VRK1: variants seen among roughly 807,000 people sequenced by gnomAD.
VRK1 encodes VRK serine/threonine kinase 1.
A neutral mutation model predicts 57.1 loss-of-function variants in VRK1; 33 were observed. The observed-to-expected ratio is 0.58, with a 90% CI of 0.44 to 0.77. The LOEUF (loss-of-function observed/expected upper bound fraction) is 0.77, where lower values mean the gene tolerates loss of function less well. Ranked by LOEUF, VRK1 falls within the 30% of genes least tolerant of loss-of-function variation. VRK1 has a pLI of 0.00. For synonymous variants in VRK1, 137 were observed against 147.8 expected, an observed-to-expected ratio of 0.93 and a Z score of 0.53; for missense variants, 413 against 477.3, an observed-to-expected ratio of 0.87 and a Z score of 1.25.
intron 3 of VRK1, among the ~76,000 whole-genome samples, chr14:96,840,907 G>A (rs1887433388): frequency 6.6e-6 from 1 of 151,144 alleles, no homozygotes; most frequent in Non-Finnish European, 1.5e-5. Context: ...CTGGGCTGGA[G>A]TGCATTGGTG....
At chr14:96,853,615 T>C (rs976630718) in intron 7 of VRK1, among the ~76,000 whole-genome samples, 1 of 152,124 alleles carries the variant, frequency 6.6e-6, no homozygotes, top group African/African-American at 2.4e-5. Context: ...CTGTCTAAAT[T>C]TGTATACCCT....
At chr14:96,801,752 A>G (rs1414185817) in intron 1 of VRK1, among the ~76,000 whole-genome samples, 2 of 152,228 alleles carry the variant, frequency 1.3e-5, no homozygotes, top group African/African-American at 4.8e-5. Flanking sequence ...AGAGAAAAGA[A>G]AATATTATTA....
At chr14:96,840,948 T>C (rs1157126416) in intron 3 of VRK1, among the ~76,000 whole-genome samples, 5 of 151,858 alleles carry the variant, frequency 3.3e-5, no homozygotes, top group Non-Finnish European at 7.4e-5. Flanking sequence ...CTTGATCTCC[T>C]GGGTTCAAGT....
At position 96,857,385 on chromosome 14, in the gene VRK1, G is replaced by GGGAA. The variant is rs756337047; in HGVS notation, c.889+799_889+800insGGAA. Among the ~76,000 whole-genome samples, 85 of 152,124 alleles carry GGGAA rather than the reference G, an allele frequency of 5.6e-4. 2 individuals carry two copies. Among genetic ancestry groups the GGGAA allele is most frequent in the Non-Finnish European group, 1.3e-4 (9 of 68,010 alleles). Reference sequence around the variant, plus strand: ...TTGTAGGAAGGAGGTGAGGGAGGGAGTGAGCTGTGTAGAAGTCTGGGGAAG... The same window carrying GGGAA: ...TTGTAGGAAGGAGGTGAGGGAGGGAGGGAATGAGCTGTGTAGAAGTCTGGGGAAG... On this transcript the variant is annotated intron_variant, in intron 10 of 12. Coordinates refer to ENST00000216639, the MANE Select transcript of VRK1 (RefSeq NM_003384.3).
intron 1 of VRK1, among the ~76,000 whole-genome samples, chr14:96,800,584 A>G (rs1268525357): frequency 6.6e-6 from 1 of 152,168 alleles, no homozygotes. Context: ...TATTAGCCAC[A>G]GTATCTTTGT....
chr14:96,856,733 C>T (rs1257684252), intron 10 of VRK1, 147 bp downstream of exon 10: 12 of 711,352 alleles, frequency 1.7e-5, no homozygotes, highest in Non-Finnish European at 3.0e-5. Context: ...CTTTGGGAGG[C>T]TGAGGTGGGT....
At chr14:96,812,747 T>C (rs762616814) in intron 1 of VRK1, among the ~76,000 whole-genome samples, 1 of 152,242 alleles carries the variant, frequency 6.6e-6, no homozygotes, top group Non-Finnish European at 1.5e-5. Context: ...TTTTATGTTT[T>C]CTTGGCAACA....
intron 1 of VRK1, among the ~76,000 whole-genome samples, chr14:96,815,911 C>T (rs968170919): frequency 2.0e-5 from 3 of 151,848 alleles, no homozygotes; most frequent in Non-Finnish European, 4.4e-5. Flanking sequence ...TCTTCTTGCT[C>T]TGTCCACTCA....
intron 1 of VRK1, among the ~76,000 whole-genome samples, chr14:96,813,234 G>C (rs1241010017): frequency 6.6e-6 from 1 of 152,202 alleles, no homozygotes; most frequent in Non-Finnish European, 1.5e-5. Context: ...TCTTAACACT[G>C]CTCGGTGCTG....
At chr14:96,819,824 T>C (rs1284435536) in intron 1 of VRK1, among the ~76,000 whole-genome samples, 2 of 152,168 alleles carry the variant, frequency 1.3e-5, no homozygotes, top group Admixed American at 6.5e-5. Context: ...GACAAAACTT[T>C]GTAGCCCAAT....
intron 12 of VRK1, chr14:96,877,569 T>C (rs2139849221): frequency 7.8e-7 from 1 of 1,289,556 alleles, no homozygotes; most frequent in Non-Finnish European, 1.0e-6. Flanking sequence ...GCAGCAGCTA[T>C]GACAGTGAGT....
intron 1 of VRK1, among the ~76,000 whole-genome samples, chr14:96,831,493 CTTAA>C: frequency 6.6e-6 from 1 of 152,080 alleles, no homozygotes; most frequent in East Asian, 1.9e-4. Flanking sequence ...CATTCCAAGC[CTTAA>C]TTAATTATTA....
At chr14:96,807,824 C>T (rs751375335) in intron 1 of VRK1, among the ~76,000 whole-genome samples, 14 of 152,060 alleles carry the variant, frequency 9.2e-5, no homozygotes, top group Non-Finnish European at 1.6e-4. Context: ...ATTTTGGAAT[C>T]CTAGTTCTTG....
At chr14:96,879,069 A>G (rs1889149256) in intron 12 of VRK1, among the ~76,000 whole-genome samples, 1 of 152,162 alleles carries the variant, frequency 6.6e-6, no homozygotes, top group East Asian at 1.9e-4. Flanking sequence ...GGAACCCTAC[A>G]AAGAAATTTC....
chr14:96,874,473 A>G (rs986479333), intron 11 of VRK1, among the ~76,000 whole-genome samples: 10 of 152,220 alleles, frequency 6.6e-5, no homozygotes, highest in African/African-American at 9.6e-5. Context: ...ATCATGAAGC[A>G]ACACTGGAAA....
At chr14:96,806,736 A>T (rs1885894851) in intron 1 of VRK1, among the ~76,000 whole-genome samples, 1 of 152,184 alleles carries the variant, frequency 6.6e-6, no homozygotes, top group Non-Finnish European at 1.5e-5. Context: ...TTTCACTTTG[A>T]TATACCTGAA....
intron 5 of VRK1, among the ~76,000 whole-genome samples, chr14:96,852,347 G>A (rs1887984763): frequency 6.6e-6 from 1 of 152,112 alleles, no homozygotes; most frequent in African/African-American, 2.4e-5. Context: ...TTAAACAATG[G>A]TATTGAATCT....
At chr14:96,860,198 A>G (rs1888329606) in intron 10 of VRK1, among the ~76,000 whole-genome samples, 1 of 152,096 alleles carries the variant, frequency 6.6e-6, no homozygotes, top group Non-Finnish European at 1.5e-5. Flanking sequence ...ATTGGCTATG[A>G]TATTCATTGT....
chr14:96,810,474 A>G (rs1280328689), intron 1 of VRK1, among the ~76,000 whole-genome samples: 1 of 152,040 alleles, frequency 6.6e-6, no homozygotes, highest in Non-Finnish European at 1.5e-5. Context: ...AGTCCCCAGG[A>G]ATTTGTTTGT....
Sources: gnomAD v4.1 joint callset for allele counts (sites outside exome capture counted in the v4.1 genomes callset) on GRCh38, gnomAD v4.1.1 for gene constraint, MANE v1.5 for transcripts, NCBI Gene and HGNC (gene_info 2026-07-23, HGNC 2026-07-21) for gene names.